The following LYNX1 variants were observed in gnomAD, a reference collection of about 807,000 sequenced individuals.
The protein encoded by LYNX1 is Ly6/neurotoxin 1, also known as ly-6/neurotoxin-like protein 1.
Under a neutral mutation model 8.3 loss-of-function variants are expected in LYNX1, and 8 were observed. The observed-to-expected ratio is 0.97, with a 90% confidence interval of 0.57 to 1.74. The LOEUF (loss-of-function observed/expected upper bound fraction) is 1.74. Among genes scored for constraint, LYNX1 ranks in the 40% most tolerant of loss-of-function variants. LYNX1 has a pLI of 0.00. For synonymous variants in LYNX1, 73 were observed against 67.9 expected, an observed-to-expected ratio of 1.08 and a Z score of -0.37; for missense variants, 158 against 159.7, an observed-to-expected ratio of 0.99 and a Z score of 0.06.
Position 142,771,468 on chromosome 8 carries a change from C to T in LYNX1, c.*3699G>A. On this transcript the variant is annotated 3_prime_UTR_variant, in exon 4 of 4. Coordinates refer to ENST00000652477, the MANE Select transcript of LYNX1 (RefSeq NM_177477.4). ...CTGGGCGGAAGCTGGCAGGGCTGTC[C>T]ACAGGGAGGACCCCCGTGTGTCTCT... 1 of 985,472 alleles carries T rather than the reference C, an allele frequency of 1.0e-6. No individual in the cohort carries two copies. 61.0% of individuals were successfully genotyped at this position (985,472 alleles called of 1,614,324 possible).
At position 142,771,886 on chromosome 8, in the gene LYNX1, G is replaced by C. The variant is rs1815197600; in HGVS notation, c.*3281C>G. On this transcript the variant is annotated 3_prime_UTR_variant, in exon 4 of 4. Coordinates refer to ENST00000652477, the MANE Select transcript of LYNX1 (RefSeq NM_177477.4). ...CCCAAAGACCCCAGGACAGACCAGA[G>C]CTCCTGCTGGAGCCGGGTGTCCCCA... 4.1e-6 allele frequency: 4 copies of C among 985,926 alleles called. No individual in the cohort carries two copies. In the African/African-American group the frequency reaches 7.0e-5, roughly 17 times the overall value. The allele number at this position is 985,926 out of a possible 1,614,324, so 61.1% of individuals were successfully genotyped here. A position where few individuals can be genotyped will look rare whatever the true frequency, so the allele number is the denominator to read the frequency against.
rs999337757 is a variant in LYNX1 at position 142,772,293 on chromosome 8, C to T, written c.*2874G>A. On this transcript the variant is annotated 3_prime_UTR_variant, in exon 4 of 4. Coordinates refer to ENST00000652477, the MANE Select transcript of LYNX1 (RefSeq NM_177477.4). ...AGATCCCCGAAGTGGGAACTGGGCCCCCATGGTGCCCAGTGCCTCTCCCCC... is the reference window on the plus strand; with the variant it reads ...AGATCCCCGAAGTGGGAACTGGGCCTCCATGGTGCCCAGTGCCTCTCCCCC... The T allele has an allele frequency of 1.0e-6, 1 of 985,874 alleles. No homozygotes were observed. Among genetic ancestry groups the T allele is most frequent in the Non-Finnish European group, 1.2e-6 (1 of 830,014 alleles). 61.1% of individuals were successfully genotyped at this position (985,874 alleles called of 1,614,324 possible). A position where few individuals can be genotyped will look rare whatever the true frequency, so the allele number is the denominator to read the frequency against.
At position 142,774,937 on chromosome 8, in the gene LYNX1, T is replaced by C. The variant is rs1256961279; in HGVS notation, c.*230A>G. 3 of 1,420,202 alleles carry C rather than the reference T, an allele frequency of 2.1e-6. No homozygotes were observed. The highest frequency in any genetic ancestry group is 9.2e-7 in the Non-Finnish European group (1 of 1,090,864). The allele number at this position is 1,420,202 out of a possible 1,614,324, so 88.0% of individuals were successfully genotyped here. A position where few individuals can be genotyped will look rare whatever the true frequency, so the allele number is the denominator to read the frequency against. On this transcript the variant is annotated 3_prime_UTR_variant, in exon 4 of 4. Coordinates refer to ENST00000652477, the MANE Select transcript of LYNX1 (RefSeq NM_177477.4). ...GACAGGCGAGGGGCTGATCAGCCCA[T>C]CAAAGCCGGACACTTTTGGGATCCC...
At position 142,771,377 on chromosome 8, in the gene LYNX1, G is replaced by A; in HGVS notation, c.*3790C>T. 1.0e-6 allele frequency: 1 copy of A among 985,606 alleles called. No individual in the cohort carries two copies. Among genetic ancestry groups the A allele is most frequent in the South Asian group, 4.7e-5 (1 of 21,294 alleles). 61.1% of individuals were successfully genotyped at this position (985,606 alleles called of 1,614,324 possible). On this transcript the variant is annotated 3_prime_UTR_variant, in exon 4 of 4. Coordinates refer to ENST00000652477, the MANE Select transcript of LYNX1 (RefSeq NM_177477.4). ...CAGCGGGCACTTATGCCCACGACCA[G>A]CTGAGCCAGACCAGCATTCCCATTT...
chr8:142,775,819 G>A lies in LYNX1; in HGVS notation c.52+87C>T, dbSNP rs587675351. 24 of 1,580,028 alleles carry A rather than the reference G, an allele frequency of 1.5e-5. No homozygotes were observed. In the South Asian group the frequency reaches 1.7e-4, roughly 11 times the overall value. On this transcript the variant is annotated intron_variant, in intron 2 of 3. Coordinates refer to ENST00000652477, the MANE Select transcript of LYNX1 (RefSeq NM_177477.4). ...CAGGGGGCTAGAAGGAGGGGTTGTC[G>A]CTGGGAATTCTAGCCTCCTTCCCTA...
At chr8:142,775,852 C>T (rs377093792) in intron 2 of LYNX1, 54 bp downstream of exon 2, 34 of 1,606,550 alleles carry the variant, frequency 2.1e-5, no homozygotes, top group Non-Finnish European at 2.8e-5. Flanking sequence ...CTACTGTCAG[C>T]CCATCTGCCC....
At position 142,775,640 on chromosome 8, in the gene LYNX1, G is replaced by A. The variant is rs1301532468; in HGVS notation, c.107C>T (p.Pro36Leu). Reference sequence around the variant, plus strand: ...GGCAACCATAGCCGGGCAGCGCATGGGGTTGAAGCAGTTGTCTCCGTTGTA... The same window carrying A: ...GGCAACCATAGCCGGGCAGCGCATGAGGTTGAAGCAGTTGTCTCCGTTGTA... ...CAYNGDNCFN[P>L]MRCPAMVAYC... is the part of the protein sequence containing the mutation. Residue 36 changes from proline (P) to leucine (L), a missense_variant, in exon 3 of 4, where the codon CCC becomes CTC. Pro to Leu is a moderately conservative substitution (Grantham distance 98). Transcript: ENST00000652477. 2 of 1,603,982 alleles carry A rather than the reference G, an allele frequency of 1.2e-6. No individual in the cohort carries two copies. The highest frequency in any genetic ancestry group is 2.3e-5 in the East Asian group (1 of 44,442).
Position 142,773,990 on chromosome 8 carries a change from C to A in LYNX1, c.*1177G>T. 1 of 985,332 alleles carries A rather than the reference C, an allele frequency of 1.0e-6. No individual in the cohort carries two copies. Among genetic ancestry groups the A allele is most frequent in the Non-Finnish European group, 1.2e-6 (1 of 829,932 alleles). The allele number at this position is 985,332 out of a possible 1,614,324, so 61.0% of individuals were successfully genotyped here. On this transcript the variant is annotated 3_prime_UTR_variant, in exon 4 of 4. Transcript: ENST00000652477. ...ATGGATTGGTGCGTGTTGGGCTGAC[C>A]CCTGCTTCCCAGGCCTGGGGTGGGG...
At chr8:142,776,341 C>T (rs997433727) in intron 1 of LYNX1, 6 of 296,122 alleles carry the variant, frequency 2.0e-5, no homozygotes, top group Non-Finnish European at 2.7e-5. Context: ...CAGCCTGTAG[C>T]GCTGGATGGA....
rs1175495541 is a variant in LYNX1, at chr8:142,775,581, C to T, written c.154+12G>A. On this transcript the variant is annotated intron_variant, in intron 3 of 3. Coordinates refer to ENST00000652477, the MANE Select transcript of LYNX1 (RefSeq NM_177477.4). ...CTCCCCAGGCAGGGCCACGCAGGGC[C>T]CCCAGACTCACAGGTGCGCGTGGTC... is the stretch of plus-strand genomic sequence containing the variant. 5 of 1,579,794 alleles carry T rather than the reference C, an allele frequency of 3.2e-6. No homozygotes were observed. Among genetic ancestry groups the T allele is most frequent in the African/African-American group, 1.3e-5 (1 of 74,246 alleles).
chr8:142,771,802 T>TC lies in LYNX1; in HGVS notation c.*3364dup. 1 of 984,130 alleles carries TC rather than the reference T, an allele frequency of 1.0e-6. No homozygotes were observed. The highest frequency in any genetic ancestry group is 1.2e-6 in the Non-Finnish European group (1 of 828,766). The allele number at this position is 984,130 out of a possible 1,614,324, so 61.0% of individuals were successfully genotyped here. A position where few individuals can be genotyped will look rare whatever the true frequency, so the allele number is the denominator to read the frequency against. On this transcript the variant is annotated 3_prime_UTR_variant, in exon 4 of 4. Coordinates refer to ENST00000652477, the MANE Select transcript of LYNX1 (RefSeq NM_177477.4). ...TGGGGGAGGCGGCAGCTGGCCTGGC[T>TC]CCCCCACTTCCCCAGGACCTCCGCC...
In LYNX1 at chr8:142,772,616, C is replaced by G. The variant is rs587603973; in HGVS notation, c.*2551G>C. ...GGGGCAAGATAATGGCTCCCATTGC[C>G]GGGCTGCTATACAGTGCTCAGGGCC... On this transcript the variant is annotated 3_prime_UTR_variant, in exon 4 of 4. Transcript: ENST00000652477. 1 of 985,526 alleles carries G rather than the reference C, an allele frequency of 1.0e-6. No individual in the cohort carries two copies. Among genetic ancestry groups the G allele is most frequent in the Non-Finnish European group, 1.2e-6 (1 of 829,998 alleles). The allele number at this position is 985,526 out of a possible 1,614,324, so 61.0% of individuals were successfully genotyped here. A position where few individuals can be genotyped will look rare whatever the true frequency, so the allele number is the denominator to read the frequency against.
In LYNX1 at chr8:142,773,251, TGCA is replaced by T. The variant is rs10541889; in HGVS notation, c.*1913_*1915del. On this transcript the variant is annotated 3_prime_UTR_variant, in exon 4 of 4. Transcript: ENST00000652477. ...TGGGCACTGCCCTGAGGCTGGCACT[TGCA>T]GGTGGGGGCCCTTGGGAGCTCTGGG... The T allele has an allele frequency of 2.3e-4, 228 of 985,446 alleles. No homozygotes were observed. In the African/African-American group the frequency reaches 3.6e-3, roughly 16 times the overall value. 61.0% of individuals were successfully genotyped at this position (985,446 alleles called of 1,614,324 possible). A position where few individuals can be genotyped will look rare whatever the true frequency, so the allele number is the denominator to read the frequency against.
Position 142,774,800 on chromosome 8 carries a change from G to A in LYNX1, c.*367C>T. The A allele has an allele frequency of 9.0e-7, 1 of 1,105,326 alleles. No homozygotes were observed. Among genetic ancestry groups the A allele is most frequent in the Non-Finnish European group, 1.1e-6 (1 of 905,260 alleles). The allele number at this position is 1,105,326 out of a possible 1,614,324, so 68.5% of individuals were successfully genotyped here. Reference sequence around the variant, plus strand: ...TTCCCCCTGCCCCAGCACACCAGGGGCAGACTGAGGCAGGGGCCTCTCCTA... The same window carrying A: ...TTCCCCCTGCCCCAGCACACCAGGGACAGACTGAGGCAGGGGCCTCTCCTA... On this transcript the variant is annotated 3_prime_UTR_variant, in exon 4 of 4. Transcript: ENST00000652477.
At position 142,774,263 on chromosome 8, in the gene LYNX1, T is replaced by G; in HGVS notation, c.*904A>C. 1.0e-6 allele frequency: 1 copy of G among 985,138 alleles called. No individual in the cohort carries two copies. Among genetic ancestry groups the G allele is most frequent in the Non-Finnish European group, 1.2e-6 (1 of 829,846 alleles). 61.0% of individuals were successfully genotyped at this position (985,138 alleles called of 1,614,324 possible). A position where few individuals can be genotyped will look rare whatever the true frequency, so the allele number is the denominator to read the frequency against. On this transcript the variant is annotated 3_prime_UTR_variant, in exon 4 of 4. Transcript: ENST00000652477. The stretch of plus-strand genomic sequence containing the variant: ...CAGGCTGCTCCCAACCCCCAGCCTG[T>G]GCGCGCATCCCCCAGTCCTGCGTCT...
At chr8:142,777,034 C>T (rs1815452371) in intron 1 of LYNX1, 72 bp downstream of exon 1, 1 of 152,252 alleles carries the variant, frequency 6.6e-6, no homozygotes, top group African/African-American at 2.4e-5. Context: ...CGGAGAGCCC[C>T]GCCCCAAACA....
At position 142,775,984 on chromosome 8, in the gene LYNX1, A is replaced by G. The variant is rs1587617251; in HGVS notation, c.-27T>C. On this transcript the variant is annotated 5_prime_UTR_variant, in exon 2 of 4. Coordinates refer to ENST00000652477, the MANE Select transcript of LYNX1 (RefSeq NM_177477.4). Reference sequence around the variant, plus strand: ...GCTGCAGGCAGGAGGGCAGCGTGGGAGTGGGGAGGTCAACAGCAGCTAGCC... The same window carrying G: ...GCTGCAGGCAGGAGGGCAGCGTGGGGGTGGGGAGGTCAACAGCAGCTAGCC... The G allele has an allele frequency of 1.2e-6, 2 of 1,613,200 alleles. No homozygotes were observed. Among genetic ancestry groups the G allele is most frequent in the Non-Finnish European group, 1.7e-6 (2 of 1,179,806 alleles).
Position 142,772,146 on chromosome 8 carries a change from C to T in LYNX1, c.*3021G>A. 1 of 986,204 alleles carries T rather than the reference C, an allele frequency of 1.0e-6. No individual in the cohort carries two copies. Among genetic ancestry groups the T allele is most frequent in the Non-Finnish European group, 1.2e-6 (1 of 830,194 alleles). 61.1% of individuals were successfully genotyped at this position (986,204 alleles called of 1,614,324 possible). A position where few individuals can be genotyped will look rare whatever the true frequency, so the allele number is the denominator to read the frequency against. On this transcript the variant is annotated 3_prime_UTR_variant, in exon 4 of 4. Coordinates refer to ENST00000652477, the MANE Select transcript of LYNX1 (RefSeq NM_177477.4). ...TGTATAACATCCTAGGGTGACAGAG[C>T]CCGCCCAAGCAGCCACTCCTGAGTC... is the stretch of plus-strand genomic sequence containing the variant.
In LYNX1 at chr8:142,774,444, G is replaced by T; in HGVS notation, c.*723C>A. 1.0e-6 allele frequency: 1 copy of T among 985,878 alleles called. No homozygotes were observed. Among genetic ancestry groups the T allele is most frequent in the Non-Finnish European group, 1.2e-6 (1 of 830,156 alleles). The allele number at this position is 985,878 out of a possible 1,614,324, so 61.1% of individuals were successfully genotyped here. On this transcript the variant is annotated 3_prime_UTR_variant, in exon 4 of 4. Transcript: ENST00000652477. ...TGGCCCTAGCTCCTGCCAGCTTCAG[G>T]CCTGGTGCCCTCCCCGTGAGGGGGT...
Sources: gnomAD v4.1 joint callset for allele counts on GRCh38, gnomAD v4.1.1 for gene constraint, MANE v1.5 for transcripts, NCBI Gene and HGNC (gene_info 2026-07-23, HGNC 2026-07-21) for gene names.